Variants in ATCAY observed in about 807,000 individuals in gnomAD.
ATCAY encodes the protein ATCAY kinesin light chain interacting caytaxin, also known as caytaxin.
ATCAY carries 22 observed loss-of-function variants against 47.7 expected under a neutral mutation model. The observed-to-expected ratio is 0.46, with a 90% confidence interval of 0.33 to 0.66. The LOEUF (loss-of-function observed/expected upper bound fraction) is 0.66, where lower values mean the gene tolerates loss of function less well. Ranked by LOEUF, ATCAY falls within the 30% of genes least tolerant of loss-of-function variation. The pLI is 0.02. For missense variants in ATCAY, 452 were observed against 515.0 expected (o/e 0.88, Z 1.18); for synonymous variants, 216 against 207.6 (o/e 1.04, Z -0.35).
At chr19:3,895,582 G>T (rs1200447158) in intron 2 of ATCAY, among the ~76,000 whole-genome samples, 1 of 152,060 alleles carries the variant, frequency 6.6e-6, no homozygotes, top group Non-Finnish European at 1.5e-5. Flanking sequence ...CGTAGCGCTG[G>T]ATGGAGTGGC....
rs768054237 is a variant in ATCAY at position 3,905,426 on chromosome 19, C to T, written c.137-8C>T. 2 of 1,587,900 alleles carry T rather than the reference C, an allele frequency of 1.3e-6. No homozygotes were observed. Among genetic ancestry groups the T allele is most frequent in the South Asian group, 2.3e-5 (2 of 88,228 alleles). ...AAGATGTTTTCCATTTTTCTCATTTCCCTGCAGCTCCTCCCAACACGCTAA... is the reference window on the plus strand; with the variant it reads ...AAGATGTTTTCCATTTTTCTCATTTTCCTGCAGCTCCTCCCAACACGCTAA... On this transcript the variant is annotated splice_polypyrimidine_tract_variant and splice_region_variant and intron_variant, in intron 3 of 12. Transcript: ENST00000450849.
Position 3,920,750 on chromosome 19 carries a change from C to T in ATCAY, c.1074-16C>T, listed in dbSNP as rs377143288. The stretch of plus-strand genomic sequence containing the variant: ...AAATAAGCAAATAACGCCCAGTCTC[C>T]GTCTCTCCTCCACAGGTCTGCTCTG... On this transcript the variant is annotated splice_polypyrimidine_tract_variant and intron_variant, in intron 11 of 12. Transcript: ENST00000450849. 7.2e-5 allele frequency: 115 copies of T among 1,599,488 alleles called. No homozygotes were observed. The African/African-American group carries it at 7.5e-4, about 10-fold the overall frequency.
chr19:3,908,191 C>G, intron 5 of ATCAY, 77 bp from the exon 6 acceptor site: 1 of 1,292,134 alleles, frequency 7.7e-7, no homozygotes, highest in South Asian at 1.3e-5. Context: ...GGCACCGGGA[C>G]GTGGTGGGTG....
chr19:3,886,934 G>A (rs1323684404), intron 2 of ATCAY, among the ~76,000 whole-genome samples: 2 of 151,662 alleles, frequency 1.3e-5, no homozygotes, highest in Non-Finnish European at 2.9e-5. Flanking sequence ...GGCCAGTCTC[G>A]AACTCCGAAA....
intron 3 of ATCAY, among the ~76,000 whole-genome samples, chr19:3,904,519 GCTGGC>G (rs1468422450): frequency 1.3e-5 from 2 of 152,184 alleles, no homozygotes; most frequent in Admixed American, 6.6e-5. Context: ...CGTCCCGCCT[GCTGGC>G]CTGCCCTGCC....
At chr19:3,889,906 CT>C (rs1172421407) in intron 2 of ATCAY, among the ~76,000 whole-genome samples, 2 of 151,932 alleles carry the variant, frequency 1.3e-5, no homozygotes, top group Non-Finnish European at 2.9e-5. Context: ...GCTTAGCTCC[CT>C]TTCCCCCTAC....
chr19:3,889,322 A>C (rs1459946210), intron 2 of ATCAY, among the ~76,000 whole-genome samples: 1 of 152,246 alleles, frequency 6.6e-6, no homozygotes, highest in Non-Finnish European at 1.5e-5. Context: ...CTGAGGAAGG[A>C]GAATCGCTTG....
chr19:3,902,382 T>C (rs1334382332), intron 2 of ATCAY, 105 bp from the exon 3 acceptor site: 27 of 1,057,458 alleles, frequency 2.6e-5, no homozygotes, highest in Middle Eastern at 2.8e-4. Flanking sequence ...TTTGCTTTTG[T>C]TCTTGTCTGA....
At chr19:3,901,394 A>G (rs545735519) in intron 2 of ATCAY, among the ~76,000 whole-genome samples, 5 of 152,282 alleles carry the variant, frequency 3.3e-5, no homozygotes, top group East Asian at 3.9e-4. Context: ...AAACTGTTCC[A>G]GCATTGACAT....
At chr19:3,913,442 A>G (rs1476597370) in intron 8 of ATCAY, among the ~76,000 whole-genome samples, 2 of 152,172 alleles carry the variant, frequency 1.3e-5, no homozygotes, top group Non-Finnish European at 2.9e-5. Flanking sequence ...GATGATGGGA[A>G]AACAGCCTGT....
intron 12 of ATCAY, among the ~76,000 whole-genome samples, chr19:3,923,290 C>G (rs186699694): frequency 5.6e-4 from 86 of 152,308 alleles, no homozygotes; most frequent in Non-Finnish European, 9.4e-4. Flanking sequence ...GAGCAAAAGA[C>G]AGCAGAGACA....
chr19:3,895,451 G>C (rs1441202979), intron 2 of ATCAY, among the ~76,000 whole-genome samples: 1 of 151,984 alleles, frequency 6.6e-6, no homozygotes, highest in African/African-American at 2.4e-5. Context: ...CTGACCTCAG[G>C]TGATCTGCCC....
In ATCAY at chr19:3,917,536, G is replaced by T. The variant is rs572563421; in HGVS notation, c.966-206G>T. Among the ~76,000 whole-genome samples the T allele has an allele frequency of 2.3e-3, 262 of 116,358 alleles. 2 individuals are homozygous for T. The highest frequency in any genetic ancestry group is 8.0e-3 in the African/African-American group (241 of 30,132). 76.3% of individuals were successfully genotyped at this position (116,358 alleles called of 152,430 possible). ...GGAGGTGGAGGTTGCAGTGAGCCAA[G>T]ATCGCACCACTGCACTCCAGCTTGG... is the stretch of plus-strand genomic sequence containing the variant. On this transcript the variant is annotated intron_variant, in intron 9 of 12. Coordinates refer to ENST00000450849, the MANE Select transcript of ATCAY (RefSeq NM_033064.5).
intron 2 of ATCAY, among the ~76,000 whole-genome samples, chr19:3,887,834 C>T (rs2038676302): frequency 6.7e-6 from 1 of 149,504 alleles, no homozygotes; most frequent in Non-Finnish European, 1.5e-5. Context: ...AGGCCGGTCG[C>T]TGTGGCTCAG....
chr19:3,899,096 A>T (rs553078636), intron 2 of ATCAY, among the ~76,000 whole-genome samples: 3 of 152,146 alleles, frequency 2.0e-5, no homozygotes, highest in Non-Finnish European at 2.9e-5. Context: ...CTCCATTTTG[A>T]TCTTTGCCAT....
intron 7 of ATCAY, among the ~76,000 whole-genome samples, chr19:3,909,903 A>G (rs1343307718): frequency 6.6e-6 from 1 of 152,186 alleles, no homozygotes; most frequent in Non-Finnish European, 1.5e-5. Context: ...CGGCCAACAT[A>G]TAGTGAAACC....
Position 3,906,376 on chromosome 19 carries a change from C to T in ATCAY, c.358+721C>T, listed in dbSNP as rs375750287. 2.2e-3 allele frequency among the ~76,000 whole-genome samples: 321 copies of T among 149,064 alleles called. 3 individuals are homozygous for T. Among genetic ancestry groups the T allele is most frequent in the African/African-American group, 7.6e-3 (309 of 40,500 alleles). Reference sequence around the variant, plus strand: ...GGAGTGCAGTGGTGTGATCTCAGCTCACTGCATCCTCCACCTCCCGGGTTC... The same window carrying T: ...GGAGTGCAGTGGTGTGATCTCAGCTTACTGCATCCTCCACCTCCCGGGTTC... On this transcript the variant is annotated intron_variant, in intron 4 of 12. Transcript: ENST00000450849.
intron 3 of ATCAY, among the ~76,000 whole-genome samples, chr19:3,904,165 C>CA (rs977708036): frequency 1.3e-5 from 2 of 150,602 alleles, no homozygotes; most frequent in African/African-American, 2.4e-5. Context: ...CAAAACAAAA[C>CA]AAAAAAAGAT....
At chr19:3,901,491 A>C (rs1482932559) in intron 2 of ATCAY, among the ~76,000 whole-genome samples, 2 of 152,110 alleles carry the variant, frequency 1.3e-5, no homozygotes, top group African/African-American at 4.8e-5. Flanking sequence ...TTGAGAGTCA[A>C]CAACTCATCA....
Sources: gnomAD v4.1 joint callset for allele counts (sites outside exome capture counted in the v4.1 genomes callset) on GRCh38, gnomAD v4.1.1 for gene constraint, MANE v1.5 for transcripts, NCBI Gene and HGNC (gene_info 2026-07-23, HGNC 2026-07-21) for gene names.